The following SLC2A5 variants were observed in gnomAD, a reference collection of about 807,000 sequenced individuals.
The protein encoded by SLC2A5 is solute carrier family 2 member 5, also known as solute carrier family 2, facilitated glucose transporter member 5.
A neutral mutation model predicts 50.3 loss-of-function variants in SLC2A5; 56 were observed. The observed-to-expected ratio is 1.11, with a 90% CI of 0.90 to 1.39. The LOEUF is 1.39. Among genes scored for constraint, SLC2A5 ranks in the 40% most tolerant of loss-of-function variants. The pLI, the probability that SLC2A5 is intolerant of heterozygous loss-of-function variation, is 0.00. For missense variants in SLC2A5, 566 were observed against 650.1 expected, an observed-to-expected ratio of 0.87 and a Z score of 1.41; for synonymous variants, 269 against 281.9, an observed-to-expected ratio of 0.95 and a Z score of 0.46.
intron 4 of SLC2A5, among the ~76,000 whole-genome samples, chr1:9,046,950 G>A (rs76444013): frequency 0.016 from 2,361 of 151,886 alleles, 32 homozygotes; most frequent in South Asian, 0.065. Flanking sequence ...TCATGAGATC[G>A]GATGGTTTTA....
At chr1:9,053,691 T>A (rs1218326698) in intron 3 of SLC2A5, among the ~76,000 whole-genome samples, 2 of 146,964 alleles carry the variant, frequency 1.4e-5, no homozygotes, top group East Asian at 3.9e-4. Flanking sequence ...CTGGCCAACA[T>A]GGTGAAACCT....
At chr1:9,068,209 A>AAAAG (rs1642132896) in intron 1 of SLC2A5, among the ~76,000 whole-genome samples, 2 of 148,028 alleles carry the variant, frequency 1.4e-5, no homozygotes, top group Non-Finnish European at 1.5e-5. Context: ...AAAAAAAAAA[A>AAAAG]GCGAGAGAGA....
intron 2 of SLC2A5, among the ~76,000 whole-genome samples, chr1:9,082,506 G>T (rs975902520): frequency 2.0e-5 from 3 of 152,078 alleles, no homozygotes; most frequent in African/African-American, 7.2e-5. Context: ...TTGAGTCCCA[G>T]AGTTCAAGTC....
chr1:9,043,140 A>G (rs778211920), intron 4 of SLC2A5, among the ~76,000 whole-genome samples: 3 of 152,206 alleles, frequency 2.0e-5, no homozygotes, highest in Admixed American at 2.0e-4. Context: ...TAGTCCAAGT[A>G]TCAGGTACCA....
intron 3 of SLC2A5, chr1:9,049,153 T>TA: frequency 2.2e-6 from 1 of 456,204 alleles, no homozygotes; most frequent in African/African-American, 2.0e-5. Flanking sequence ...CCTCTCGCAA[T>TA]GGAGCCCTCA....
chr1:9,048,706 G>C (rs185881767), intron 3 of SLC2A5, among the ~76,000 whole-genome samples: 112 of 151,798 alleles, frequency 7.4e-4, no homozygotes, highest in African/African-American at 2.6e-3. Context: ...TGTCACCCAG[G>C]CTGGAGTGCA....
intron 2 of SLC2A5, among the ~76,000 whole-genome samples, chr1:9,084,491 T>G (rs1444936294): frequency 6.6e-6 from 1 of 152,242 alleles, no homozygotes; most frequent in East Asian, 1.9e-4. Context: ...GCGGTTAAGG[T>G]CCCACTGGCG....
intron 2 of SLC2A5, among the ~76,000 whole-genome samples, chr1:9,081,576 A>G (rs1282685474): frequency 1.3e-5 from 2 of 152,116 alleles, no homozygotes; most frequent in African/African-American, 4.8e-5. Context: ...AAGAACTCTT[A>G]CAACTCAACA....
upstream of SLC2A5, among the ~76,000 whole-genome samples, chr1:9,091,118 A>G (rs186990430): frequency 8.6e-4 from 131 of 152,208 alleles, no homozygotes; most frequent in Non-Finnish European, 1.5e-3. Context: ...GCTATTTCTG[A>G]ATATGGATAG....
Position 9,057,621 on chromosome 1 carries a change from GC to G in SLC2A5, c.133-14del. 2 of 1,607,956 alleles carry G rather than the reference GC, an allele frequency of 1.2e-6. No homozygotes were observed. Among genetic ancestry groups the G allele is most frequent in the Non-Finnish European group, 1.7e-6 (2 of 1,177,302 alleles). ...ATTGTTGCATGAGCTAGGAGACAAA[GC>G]AAAACAGAACACCAAAATAATTTGA... On this transcript the variant is annotated splice_polypyrimidine_tract_variant and intron_variant, in intron 2 of 11. Transcript: ENST00000377424.
chr1:9,093,753 C>A, the SLC2A5 span, among the ~76,000 whole-genome samples: 3 of 152,210 alleles, frequency 2.0e-5, no homozygotes, highest in African/African-American at 7.2e-5. Flanking sequence ...TTGTGGCAAG[C>A]TAACTGTTCC....
At chr1:9,073,815 C>T (rs1207736339), upstream of SLC2A5, among the ~76,000 whole-genome samples, 1 of 152,170 alleles carries the variant, frequency 6.6e-6, no homozygotes, top group Non-Finnish European at 1.5e-5. Flanking sequence ...TGGCCGGGCG[C>T]GGTGGCTCAC....
intron 2 of SLC2A5, among the ~76,000 whole-genome samples, chr1:9,084,258 C>T (rs375970208): frequency 6.6e-6 from 1 of 152,302 alleles, no homozygotes; most frequent in East Asian, 1.9e-4. Context: ...AAACCCTCAC[C>T]TTTTTCCAGG....
At position 9,068,189 on chromosome 1, in the gene SLC2A5, C is replaced by CAAAAAAAAA. The variant is rs755203801; in HGVS notation, c.33+1306_33+1314dup. Among the ~76,000 whole-genome samples the CAAAAAAAAA allele has an allele frequency of 1.3e-4, 10 of 77,074 alleles. 1 individual carries two copies. Among genetic ancestry groups the CAAAAAAAAA allele is most frequent in the African/African-American group, 4.4e-4 (9 of 20,486 alleles). 50.6% of individuals were successfully genotyped at this position (77,074 alleles called of 152,430 possible). ...TGGGTGACAGAGCAAGACTCTGTGTCAAAAAAAAAAAAAAAAAAAAGCGAG... is the reference window on the plus strand; with the variant it reads ...TGGGTGACAGAGCAAGACTCTGTGTCAAAAAAAAAAAAAAAAAAAAAAAAAAAAAGCGAG... On this transcript the variant is annotated intron_variant, in intron 1 of 11. Transcript: ENST00000377424.
chr1:9,053,648 C>A (rs1179610304), intron 3 of SLC2A5, among the ~76,000 whole-genome samples: 1 of 143,258 alleles, frequency 7.0e-6, no homozygotes, highest in African/African-American at 2.6e-5. Context: ...CCAAGGCAGG[C>A]AGATCACTTG....
intron 3 of SLC2A5, among the ~76,000 whole-genome samples, chr1:9,051,662 C>T (rs1569862545): frequency 6.6e-6 from 1 of 152,306 alleles, no homozygotes; most frequent in East Asian, 1.9e-4. Flanking sequence ...CAGGAACCCT[C>T]ATTTGTTGCT....
intron 3 of SLC2A5, among the ~76,000 whole-genome samples, chr1:9,049,587 C>T (rs1453043522): frequency 6.6e-6 from 1 of 151,956 alleles, no homozygotes; most frequent in Non-Finnish European, 1.5e-5. Context: ...CCTCTAATCC[C>T]AGCTACTCGG....
Position 9,039,812 on chromosome 1 carries a change from C to G in SLC2A5, c.873G>C (p.Ser291=), listed in dbSNP as rs1281478819. The change falls in exon 7 of 12, where the codon TCG becomes TCC. Residue 291 remains serine, a synonymous_variant. Transcript: ENST00000377424. Reference sequence around the variant, plus strand: ...GCCCGGCCCATACAGCGTTGACGCCCGACAGCTGCTGGCCGCCCATGAGGA... The same window carrying G: ...GCCCGGCCCATACAGCGTTGACGCCGGACAGCTGCTGGCCGCCCATGAGGA... ...IIVLMGGQQL[S]GVNAIYYYAD... is the part of the protein sequence containing the mutation. 8.2e-6 allele frequency: 13 copies of G among 1,592,724 alleles called. No individual in the cohort carries two copies. The highest frequency in any genetic ancestry group is 1.1e-5 in the South Asian group (1 of 88,878).
At chr1:9,091,099 G>A (rs530236390), upstream of SLC2A5, among the ~76,000 whole-genome samples, 40 of 152,256 alleles carry the variant, frequency 2.6e-4, no homozygotes, top group South Asian at 7.9e-3. Flanking sequence ...TCCTTCCTCG[G>A]ATTAGTGGGC....
Sources: allele counts gnomAD v4.1 joint callset (sites outside exome capture counted in the v4.1 genomes callset), GRCh38; gene constraint gnomAD v4.1.1; transcripts MANE v1.5; gene names NCBI Gene and HGNC (gene_info 2026-07-23, HGNC 2026-07-21).